The following NFIB variants were observed in gnomAD, a reference collection of about 807,000 sequenced individuals.
NFIB encodes the protein nuclear factor 1 B-type.
Under a neutral mutation model 61.5 loss-of-function variants are expected in NFIB, and 11 were observed. The ratio of observed to expected loss-of-function variants is 0.18; its 90% CI spans 0.11 to 0.30. NFIB has a LOEUF of 0.30. Ranked by LOEUF, NFIB falls within the 10% of genes least tolerant of loss-of-function variation. The probability of loss-of-function intolerance (pLI) is 1.00; values close to 1 mark genes in which losing one functional copy is unlikely to be tolerated. For missense variants in NFIB, 471 were observed against 608.9 expected (o/e 0.77, Z 2.38); for synonymous variants, 260 against 216.5 (o/e 1.20, Z -1.76).
chr9:14,522,817 A>G, the NFIB span, among the ~76,000 whole-genome samples: 1 of 152,118 alleles, frequency 6.6e-6, no homozygotes, highest in Admixed American at 6.6e-5. Flanking sequence ...TGAAATAGTA[A>G]GAACTGTTGA....
chr9:14,410,251 A>T, the NFIB span, among the ~76,000 whole-genome samples: 1 of 151,700 alleles, frequency 6.6e-6, no homozygotes, highest in Non-Finnish European at 1.5e-5. Context: ...GACCAAGCAG[A>T]TTCTGGATAT....
the NFIB span, among the ~76,000 whole-genome samples, chr9:14,426,151 A>C: frequency 1.3e-5 from 2 of 150,638 alleles, no homozygotes; most frequent in African/African-American, 4.9e-5. Context: ...TCACTCAAGA[A>C]GATTCTTAAA....
chr9:14,302,570 G>A (rs553107606), intron 2 of NFIB, among the ~76,000 whole-genome samples: 1 of 152,292 alleles, frequency 6.6e-6, no homozygotes, highest in East Asian at 1.9e-4. Flanking sequence ...TTTAATAAGA[G>A]TGCAAAGTAC....
chr9:14,273,727 G>C (rs2057789233), intron 2 of NFIB, among the ~76,000 whole-genome samples: 1 of 152,170 alleles, frequency 6.6e-6, no homozygotes, highest in African/African-American at 2.4e-5. Context: ...ACACAGTACA[G>C]AGATTCTCAT....
At chr9:14,092,457 C>T (rs1036828200) in intron 10 of NFIB, among the ~76,000 whole-genome samples, 1 of 152,152 alleles carries the variant, frequency 6.6e-6, no homozygotes, top group African/African-American at 2.4e-5. Context: ...GTTCCTTGCC[C>T]AAAGTCTCCC....
At chr9:14,456,057 A>G in the NFIB span, among the ~76,000 whole-genome samples, 5 of 152,334 alleles carry the variant, frequency 3.3e-5, no homozygotes, top group African/African-American at 1.2e-4. Context: ...CATATATTGC[A>G]GAATAAATTC....
chr9:14,290,578 C>A (rs2059024723), intron 2 of NFIB, among the ~76,000 whole-genome samples: 1 of 152,066 alleles, frequency 6.6e-6, no homozygotes, highest in Non-Finnish European at 1.5e-5. Flanking sequence ...CATTAAAACT[C>A]ACAGCAAGAT....
At chr9:14,428,911 G>C in the NFIB span, among the ~76,000 whole-genome samples, 2 of 152,118 alleles carry the variant, frequency 1.3e-5, no homozygotes, top group East Asian at 3.9e-4. Context: ...AAAACAGAAA[G>C]AAAGAAAAAG....
intron 1 of NFIB, among the ~76,000 whole-genome samples, chr9:14,372,782 C>T (rs1429669120): frequency 2.0e-5 from 3 of 152,302 alleles, no homozygotes; most frequent in South Asian, 2.1e-4. Context: ...GCTTCTAATG[C>T]TATGCTATCA....
At chr9:14,391,050 T>C (rs1447128044) in intron 1 of NFIB, among the ~76,000 whole-genome samples, 2 of 152,222 alleles carry the variant, frequency 1.3e-5, no homozygotes, top group Non-Finnish European at 2.9e-5. Context: ...TTTGTACAGA[T>C]ACTTTCCCCT....
chr9:14,400,031 A>C (rs950876279), upstream of NFIB, among the ~76,000 whole-genome samples: 1 of 151,978 alleles, frequency 6.6e-6, no homozygotes, highest in Non-Finnish European at 1.5e-5. Flanking sequence ...TCAAAGGCAA[A>C]AACACACATT....
chr9:14,390,287 G>A (rs2061604553), intron 1 of NFIB, among the ~76,000 whole-genome samples: 1 of 152,136 alleles, frequency 6.6e-6, no homozygotes, highest in African/African-American at 2.4e-5. Context: ...CTAAGCTTCA[G>A]TTTCCTTATA....
the NFIB span, among the ~76,000 whole-genome samples, chr9:14,442,197 C>T: frequency 6.6e-6 from 1 of 152,200 alleles, no homozygotes; most frequent in Admixed American, 6.5e-5. Context: ...AATCACCACC[C>T]TCTCCTACAA....
At chr9:14,520,051 T>C in the NFIB span, among the ~76,000 whole-genome samples, 1 of 138,630 alleles carries the variant, frequency 7.2e-6, no homozygotes, top group Non-Finnish European at 1.5e-5. Flanking sequence ...AAAGAAACTA[T>C]TTATAATGTT....
chr9:14,332,844 A>T (rs1185737385), intron 1 of NFIB, among the ~76,000 whole-genome samples: 1 of 152,210 alleles, frequency 6.6e-6, no homozygotes, highest in African/African-American at 2.4e-5. Flanking sequence ...GCTAACAGAA[A>T]CATAGAGCTT....
chr9:14,300,237 T>A (rs2059676468), intron 2 of NFIB: 2 of 398,398 alleles, frequency 5.0e-6, no homozygotes, highest in Non-Finnish European at 4.4e-6. Flanking sequence ...CTCTTCTTGC[T>A]ATGCTTGGCA....
the NFIB span, among the ~76,000 whole-genome samples, chr9:14,514,050 T>C: frequency 4.6e-5 from 7 of 152,216 alleles, no homozygotes. Context: ...TTGCTAGCTT[T>C]ATTACATGGC....
the NFIB span, among the ~76,000 whole-genome samples, chr9:14,485,066 G>T: frequency 6.6e-6 from 1 of 152,140 alleles, no homozygotes; most frequent in African/African-American, 2.4e-5. Flanking sequence ...AGTTCTTTTG[G>T]ATTAGAGTCA....
rs373881693 is a variant in NFIB, at chr9:14,245,911, A to T, written c.562+61078T>A. ...AATAATAAGTACACATAAATTATAA[A>T]AGTGGGACAGAGGAGGGAGTGATTA... On this transcript the variant is annotated intron_variant, in intron 2 of 10. Coordinates refer to ENST00000380953, the MANE Select transcript of NFIB (RefSeq NM_001190737.2). 2.0e-4 allele frequency among the ~76,000 whole-genome samples: 31 copies of T among 152,200 alleles called. No homozygotes were observed. In the East Asian group the frequency reaches 4.1e-3, roughly 20 times the overall value.
Sources: gnomAD v4.1 joint callset for allele counts (sites outside exome capture counted in the v4.1 genomes callset) on GRCh38, gnomAD v4.1.1 for gene constraint, MANE v1.5 for transcripts, NCBI Gene and HGNC (gene_info 2026-07-23, HGNC 2026-07-21) for gene names.